The following APBB1IP variants were observed in gnomAD, a reference collection of about 807,000 sequenced individuals.
The protein encoded by APBB1IP is amyloid beta precursor protein binding family B member 1 interacting protein, also known as amyloid beta A4 precursor protein-binding family B member 1-interacting protein.
A neutral mutation model predicts 64.9 loss-of-function variants in APBB1IP; 27 were observed. That is an observed-to-expected ratio of 0.42 (90% CI 0.31 to 0.57). The LOEUF is 0.57. APBB1IP is among the 20% of genes least tolerant of loss of function. APBB1IP has a pLI of 0.20. For synonymous variants in APBB1IP, 392 were observed against 331.0 expected, an observed-to-expected ratio of 1.18 and a Z score of -2.00; for missense variants, 812 against 845.5, an observed-to-expected ratio of 0.96 and a Z score of 0.49.
intron 2 of APBB1IP, among the ~76,000 whole-genome samples, chr10:26,445,129 AAAG>A (rs200591720): frequency 0.15 from 10,438 of 68,394 alleles, 629 homozygotes; most frequent in Admixed American, 0.21. Context: ...GAAAGAAAGA[AAAG>A]AAAGAAAGAA....
At position 26,505,380 on chromosome 10, in the gene APBB1IP, C is replaced by T. The variant is rs144787364; in HGVS notation, c.531+2106C>T. On this transcript the variant is annotated intron_variant, in intron 6 of 14. Transcript: ENST00000376236. Reference sequence around the variant, plus strand: ...TGTTTTCTGCAAGTGATTAATTCCACAGTCCATCATTGGAACTCCACGTCC... The same window carrying T: ...TGTTTTCTGCAAGTGATTAATTCCATAGTCCATCATTGGAACTCCACGTCC... Among the ~76,000 whole-genome samples the T allele has an allele frequency of 2.6e-3, 392 of 152,300 alleles. 1 individual carries two copies. Among genetic ancestry groups the T allele is most frequent in the Non-Finnish European group, 3.9e-3 (262 of 68,028 alleles).
At chr10:26,475,129 T>C (rs1055357113) in intron 2 of APBB1IP, among the ~76,000 whole-genome samples, 14 of 151,250 alleles carry the variant, frequency 9.3e-5, no homozygotes, top group African/African-American at 2.9e-4. Flanking sequence ...CTTTTCTTTT[T>C]TTTTTTTTTT....
chr10:26,465,266 G>A (rs1176790987), intron 2 of APBB1IP, among the ~76,000 whole-genome samples: 1 of 152,202 alleles, frequency 6.6e-6, no homozygotes, highest in Non-Finnish European at 1.5e-5. Context: ...GTGATCAGAT[G>A]TCCACTGAAT....
chr10:26,451,366 G>A (rs1304436718), intron 2 of APBB1IP, among the ~76,000 whole-genome samples: 1 of 152,166 alleles, frequency 6.6e-6, no homozygotes, highest in Non-Finnish European at 1.5e-5. Flanking sequence ...TGAGATTACA[G>A]GCCTGAGCCA....
chr10:26,505,290 T>C (rs1836160805), intron 6 of APBB1IP, among the ~76,000 whole-genome samples: 1 of 152,232 alleles, frequency 6.6e-6, no homozygotes. Context: ...TAGGGGAGTC[T>C]TCCCAGATTA....
chr10:26,478,713 A>C (rs980385801), intron 2 of APBB1IP, among the ~76,000 whole-genome samples: 7 of 152,126 alleles, frequency 4.6e-5, no homozygotes, highest in African/African-American at 1.7e-4. Context: ...AAGAGCACCA[A>C]GGGAGTGAGT....
intron 8 of APBB1IP, among the ~76,000 whole-genome samples, chr10:26,522,106 A>T (rs1268470258): frequency 3.3e-5 from 5 of 152,248 alleles, no homozygotes; most frequent in Non-Finnish European, 5.9e-5. Context: ...GAATGTTGAC[A>T]GTTTAAAAAA....
intron 2 of APBB1IP, among the ~76,000 whole-genome samples, chr10:26,473,130 A>C (rs1835739534): frequency 6.6e-6 from 1 of 152,104 alleles, no homozygotes; most frequent in South Asian, 2.1e-4. Context: ...GTTCCTTACA[A>C]CTTTTAGAGC....
intron 8 of APBB1IP, among the ~76,000 whole-genome samples, chr10:26,529,645 T>C (rs787057): frequency 0.8 from 121,900 of 151,892 alleles, 49,337 homozygotes; most frequent in East Asian, 0.88. Context: ...TTCTTTTAAT[T>C]TTTCCTTTTT....
At chr10:26,496,799 A>T (rs1836030627) in intron 4 of APBB1IP, among the ~76,000 whole-genome samples, 1 of 150,568 alleles carries the variant, frequency 6.6e-6, no homozygotes, top group Admixed American at 6.6e-5. Flanking sequence ...TTTATTTAAA[A>T]TATTTTTTAA....
intron 8 of APBB1IP, among the ~76,000 whole-genome samples, chr10:26,520,075 G>A (rs1213435699): frequency 6.6e-6 from 1 of 152,210 alleles, no homozygotes; most frequent in Non-Finnish European, 1.5e-5. Flanking sequence ...ACTTTGAGAG[G>A]ACAAGGCAAG....
At position 26,438,699 on chromosome 10, in the gene APBB1IP, G is replaced by A. The variant is rs1251116118; in HGVS notation, c.-155G>A. On this transcript the variant is annotated 5_prime_UTR_variant, in exon 2 of 15. Coordinates refer to ENST00000376236, the MANE Select transcript of APBB1IP (RefSeq NM_019043.4). ...CAAAGCAGCTCGGATAGCGCCACACGTCTGCGCGCTGCGTGGGAAGGGCAG... is the reference window on the plus strand; with the variant it reads ...CAAAGCAGCTCGGATAGCGCCACACATCTGCGCGCTGCGTGGGAAGGGCAG... The A allele has an allele frequency of 6.6e-6, 1 of 152,180 alleles. No homozygotes were observed. The highest frequency in any genetic ancestry group is 1.5e-5 in the Non-Finnish European group (1 of 68,094). The allele number at this position is 152,180 out of a possible 1,614,324, so 9.4% of individuals were successfully genotyped here.
chr10:26,445,210 A>G lies in APBB1IP; in HGVS notation c.-1+6357A>G, dbSNP rs145408010. Among the ~76,000 whole-genome samples the G allele has an allele frequency of 3.9e-3, 586 of 152,100 alleles. 2 individuals carry two copies. The highest frequency in any genetic ancestry group is 5.4e-3 in the Non-Finnish European group (364 of 67,996). On this transcript the variant is annotated intron_variant, in intron 2 of 14. Coordinates refer to ENST00000376236, the MANE Select transcript of APBB1IP (RefSeq NM_019043.4). The stretch of plus-strand genomic sequence containing the variant: ...AAAGAAAGAAAAGGGGACATAAAAC[A>G]AAGTCTTTGCAATCCTAAAACCTTT...
At chr10:26,464,672 G>GTTCTGGGATTA (rs1835628797) in intron 2 of APBB1IP, among the ~76,000 whole-genome samples, 1 of 152,204 alleles carries the variant, frequency 6.6e-6, no homozygotes, top group African/African-American at 2.4e-5. Flanking sequence ...GGTTCCCAAA[G>GTTCTGGGATTA]TTCTGGGATT....
chr10:26,474,449 A>G (rs555085564), intron 2 of APBB1IP, among the ~76,000 whole-genome samples: 1 of 152,358 alleles, frequency 6.6e-6, no homozygotes, highest in East Asian at 1.9e-4. Flanking sequence ...TCGCCCAGGA[A>G]AATCTTCCTT....
intron 11 of APBB1IP, among the ~76,000 whole-genome samples, chr10:26,553,457 A>G (rs1368917650): frequency 1.3e-5 from 2 of 152,104 alleles, no homozygotes; most frequent in Admixed American, 6.5e-5. Context: ...TTCAAGACCA[A>G]CCTGGGCAAC....
At chr10:26,510,900 C>T (rs1020866621) in intron 6 of APBB1IP, among the ~76,000 whole-genome samples, 1 of 152,054 alleles carries the variant, frequency 6.6e-6, no homozygotes, top group African/African-American at 2.4e-5. Context: ...CAGTGGGGCC[C>T]CCTCAGTGAT....
At chr10:26,522,148 G>A (rs547279598) in intron 8 of APBB1IP, among the ~76,000 whole-genome samples, 1 of 152,276 alleles carries the variant, frequency 6.6e-6, no homozygotes, top group South Asian at 2.1e-4. Context: ...ACAGTTCCAT[G>A]ACAATTTGAT....
At chr10:26,548,966 T>A (rs538843000) in intron 11 of APBB1IP, among the ~76,000 whole-genome samples, 2 of 152,252 alleles carry the variant, frequency 1.3e-5, no homozygotes, top group African/African-American at 4.8e-5. Flanking sequence ...CAGGGTGATG[T>A]TGGCTGTGGG....
Sources: gnomAD v4.1 joint callset for allele counts (sites outside exome capture counted in the v4.1 genomes callset) on GRCh38, gnomAD v4.1.1 for gene constraint, MANE v1.5 for transcripts, NCBI Gene and HGNC (gene_info 2026-07-23, HGNC 2026-07-21) for gene names.